Variants in ELAVL2 observed in about 807,000 individuals in gnomAD.
ELAVL2 encodes ELAV like RNA binding protein 2.
A neutral mutation model predicts 34.6 loss-of-function variants in ELAVL2; 4 were observed. The observed-to-expected ratio is 0.12, with a 90% CI of 0.06 to 0.26. ELAVL2 has a LOEUF of 0.26. ELAVL2 is among the 10% of genes least tolerant of loss of function. The pLI is 1.00. For missense variants in ELAVL2, 432 were observed against 442.8 expected, an observed-to-expected ratio of 0.98 and a Z score of 0.22; for synonymous variants, 193 against 154.8, an observed-to-expected ratio of 1.25 and a Z score of -1.83.
At chr9:23,742,955 G>T (rs977559716) in intron 2 of ELAVL2, among the ~76,000 whole-genome samples, 1 of 152,104 alleles carries the variant, frequency 6.6e-6, no homozygotes, top group Non-Finnish European at 1.5e-5. Context: ...GCTGGTGGGG[G>T]TATAAATGCT....
At chr9:23,782,100 C>G (rs117575089) in intron 1 of ELAVL2, among the ~76,000 whole-genome samples, 1 of 152,008 alleles carries the variant, frequency 6.6e-6, no homozygotes, top group African/African-American at 2.4e-5. Context: ...GAATTACAGG[C>G]GTGAGCCACC....
intron 1 of ELAVL2, chr9:23,765,219 T>C (rs2136123424): frequency 1.2e-6 from 1 of 832,768 alleles, no homozygotes; most frequent in Admixed American, 3.3e-5. Context: ...CAGTGTGGCT[T>C]AATTGAAATT....
At chr9:23,782,739 G>C (rs1388080698) in intron 1 of ELAVL2, among the ~76,000 whole-genome samples, 1 of 152,044 alleles carries the variant, frequency 6.6e-6, no homozygotes, top group Non-Finnish European at 1.5e-5. Flanking sequence ...AATACTTCTT[G>C]GTATATTCTG....
the ELAVL2 span, among the ~76,000 whole-genome samples, chr9:23,840,566 A>C: frequency 6.6e-6 from 1 of 152,190 alleles, no homozygotes; most frequent in East Asian, 1.9e-4. Context: ...CCAATTTTAT[A>C]CTTTGTGTTA....
At position 23,780,720 on chromosome 9, in the gene ELAVL2, C is replaced by T. The variant is rs149994488; in HGVS notation, c.-15-18471G>A. On this transcript the variant is annotated intron_variant, in intron 1 of 6. Coordinates refer to ENST00000397312, the MANE Select transcript of ELAVL2 (RefSeq NM_004432.5). ...TAAGCACTATTTTCCATAACTAAAA[C>T]ATCAGAACCTAAGGCATCCATTTAT... Among the ~76,000 whole-genome samples the T allele has an allele frequency of 2.9e-3, 445 of 152,302 alleles. 3 individuals are homozygous for T. Among genetic ancestry groups the T allele is most frequent in the Middle Eastern group, 0.02 (6 of 294 alleles).
chr9:23,714,935 G>A (rs568194251), intron 3 of ELAVL2, among the ~76,000 whole-genome samples: 1 of 152,170 alleles, frequency 6.6e-6, no homozygotes, highest in East Asian at 1.9e-4. Flanking sequence ...TCACTAGTCA[G>A]TACTCAGTAT....
intron 1 of ELAVL2, among the ~76,000 whole-genome samples, chr9:23,767,453 G>A (rs551082467): frequency 6.6e-6 from 1 of 152,146 alleles, no homozygotes; most frequent in African/African-American, 2.4e-5. Flanking sequence ...CAAACCTCTT[G>A]CAGACAGCCA....
At chr9:23,808,948 T>A (rs1162561982) in intron 1 of ELAVL2, among the ~76,000 whole-genome samples, 3 of 152,188 alleles carry the variant, frequency 2.0e-5, no homozygotes, top group Non-Finnish European at 4.4e-5. Context: ...TCTCTGGTAG[T>A]CTTCGCCAAA....
At chr9:23,760,612 G>A (rs906767728) in intron 2 of ELAVL2, among the ~76,000 whole-genome samples, 3 of 151,948 alleles carry the variant, frequency 2.0e-5, no homozygotes, top group African/African-American at 7.2e-5. Flanking sequence ...TTTCACATAT[G>A]CTTATCACAC....
the ELAVL2 span, among the ~76,000 whole-genome samples, chr9:23,833,366 A>AT: frequency 1.3e-5 from 2 of 151,742 alleles, no homozygotes; most frequent in African/African-American, 4.8e-5. Flanking sequence ...TATGATTTTT[A>AT]TTTTTTTCTT....
Position 23,691,990 on chromosome 9 carries a change from CG to C in ELAVL2, c.*566del, listed in dbSNP as rs1407030282. The C allele has an allele frequency of 6.6e-6, 1 of 152,642 alleles. No homozygotes were observed. The highest frequency in any genetic ancestry group is 2.4e-5 in the African/African-American group (1 of 41,402). The allele number at this position is 152,642 out of a possible 1,614,324, so 9.5% of individuals were successfully genotyped here. On this transcript the variant is annotated 3_prime_UTR_variant, in exon 7 of 7. Transcript: ENST00000397312. Reference sequence around the variant, plus strand: ...AGTTCTCCAGTATTCTTACAATAAGCGTTTATAATGTAGCCCCCCCTTCCCC... The same window carrying C: ...AGTTCTCCAGTATTCTTACAATAAGCTTTATAATGTAGCCCCCCCTTCCCC...
chr9:23,762,137 T>C lies in ELAVL2; in HGVS notation c.98A>G (p.Asn33Ser). The change falls in exon 2 of 7, where the codon AAC becomes AGC. Residue 33 changes from asparagine (N) to serine (S), a missense_variant. Asn to Ser is a conservative substitution (Grantham distance 46). Around this residue, in one of 3 missense-constraint regions of ELAVL2, gnomAD observed 132 missense variants for 118.3 expected, o/e 1.12. Coordinates refer to ENST00000397312, the MANE Select transcript of ELAVL2 (RefSeq NM_004432.5). ...TAAGTTGGTCTTGCTGTCTTCTGTG[T>C]TCCCAGAGTCAACTGGTGACGAACA... ...NNCSSPVDSG[N>S]TEDSKTNLIV... is the part of the protein sequence containing the mutation. 4 of 1,613,644 alleles carry C rather than the reference T, an allele frequency of 2.5e-6. No individual in the cohort carries two copies. Among genetic ancestry groups the C allele is most frequent in the Non-Finnish European group, 3.4e-6 (4 of 1,179,640 alleles).
chr9:23,774,065 G>T (rs2057771169), intron 1 of ELAVL2, among the ~76,000 whole-genome samples: 1 of 151,600 alleles, frequency 6.6e-6, no homozygotes. Context: ...CAAAAAATTA[G>T]CCGGACTTGG....
chr9:23,822,485 C>T (rs1286309620), intron 1 of ELAVL2, among the ~76,000 whole-genome samples: 1 of 152,162 alleles, frequency 6.6e-6, no homozygotes, highest in Non-Finnish European at 1.5e-5. Context: ...AAATGGCCAA[C>T]TCTTCACCGA....
At chr9:23,802,916 A>C (rs1453604026) in intron 1 of ELAVL2, among the ~76,000 whole-genome samples, 1 of 151,702 alleles carries the variant, frequency 6.6e-6, no homozygotes, top group African/African-American at 2.4e-5. Flanking sequence ...CAGGTTTTTA[A>C]ACTTTCTCAT....
intron 1 of ELAVL2, among the ~76,000 whole-genome samples, chr9:23,790,313 A>C (rs943009389): frequency 6.6e-6 from 1 of 152,212 alleles, no homozygotes; most frequent in Admixed American, 6.5e-5. Flanking sequence ...AAAGGAGAGT[A>C]GATATTCTAA....
At chr9:23,753,532 G>T (rs1253729350) in intron 2 of ELAVL2, among the ~76,000 whole-genome samples, 1 of 151,958 alleles carries the variant, frequency 6.6e-6, no homozygotes. Context: ...TCATAAAAAT[G>T]GGGGGTATAA....
chr9:23,823,307 A>G (rs1384477394), intron 1 of ELAVL2, among the ~76,000 whole-genome samples: 1 of 152,168 alleles, frequency 6.6e-6, no homozygotes, highest in Non-Finnish European at 1.5e-5. Context: ...TTAGGCGAAA[A>G]TGGGCCTACT....
chr9:23,794,981 C>T (rs2060739035), intron 1 of ELAVL2, among the ~76,000 whole-genome samples: 1 of 152,134 alleles, frequency 6.6e-6, no homozygotes, highest in Non-Finnish European at 1.5e-5. Context: ...CTTATTTTAT[C>T]TTATGCACAC....
Sources: gnomAD v4.1 joint callset for allele counts (sites outside exome capture counted in the v4.1 genomes callset) on GRCh38, gnomAD v4.1.1 for gene constraint, gnomAD v4.1.1 regional missense constraint, MANE v1.5 for transcripts, NCBI Gene and HGNC (gene_info 2026-07-23, HGNC 2026-07-21) for gene names.